Variants in PALLD observed in about 807,000 individuals in gnomAD.
PALLD encodes the protein palladin, cytoskeletal associated protein.
A neutral mutation model predicts 123.5 loss-of-function variants in PALLD; 61 were observed. The ratio of observed to expected loss-of-function variants is 0.49; its 90% confidence interval spans 0.40 to 0.61. The LOEUF (loss-of-function observed/expected upper bound fraction) is 0.61. Among genes scored for constraint, PALLD ranks in the 20% least tolerant of loss-of-function variants. The probability of loss-of-function intolerance (pLI) is 0.00; values close to 1 mark genes in which losing one functional copy is unlikely to be tolerated. For synonymous variants in PALLD, 465 were observed against 496.4 expected, an observed-to-expected ratio of 0.94 and a Z score of 0.84; for missense variants, 1,273 against 1,377.0, an observed-to-expected ratio of 0.92 and a Z score of 1.20.
chr4:168,608,557 C>A (rs1237258223), intron 2 of PALLD, among the ~76,000 whole-genome samples: 1 of 152,174 alleles, frequency 6.6e-6, no homozygotes. Context: ...CATCATGTAA[C>A]ATGTATCAAG....
intron 10 of PALLD, among the ~76,000 whole-genome samples, chr4:168,849,754 CA>C (rs36098159): frequency 0.69 from 101,084 of 145,660 alleles, 36,741 homozygotes; most frequent in East Asian, 0.95. Flanking sequence ...ATTTTTAAAG[CA>C]AAAAAAAAAA....
intron 10 of PALLD, among the ~76,000 whole-genome samples, chr4:168,857,334 A>G (rs1199039594): frequency 1.3e-5 from 2 of 152,216 alleles, no homozygotes; most frequent in Non-Finnish European, 2.9e-5. Context: ...TATTTGTTTT[A>G]GGATATGGTA....
chr4:168,738,143 G>A (rs1787944273), intron 10 of PALLD, among the ~76,000 whole-genome samples: 1 of 152,176 alleles, frequency 6.6e-6, no homozygotes, highest in Admixed American at 6.5e-5. Context: ...TGTGAAAAAG[G>A]AGAACTTAAA....
At chr4:168,739,731 A>T (rs1324047784) in intron 10 of PALLD, among the ~76,000 whole-genome samples, 1 of 152,216 alleles carries the variant, frequency 6.6e-6, no homozygotes, top group Non-Finnish European at 1.5e-5. Flanking sequence ...ACAAGAAAAA[A>T]GCCCATGTTG....
chr4:168,898,037 T>C (rs1566495), intron 13 of PALLD: 83,118 of 152,428 alleles, frequency 0.55, 25,270 homozygotes, highest in East Asian at 0.88. Flanking sequence ...TTTCTATTAT[T>C]CTTTTACTAT....
intron 15 of PALLD, among the ~76,000 whole-genome samples, chr4:168,911,152 C>A (rs557459068): frequency 6.6e-6 from 1 of 152,240 alleles, no homozygotes; most frequent in Non-Finnish European, 1.5e-5. Flanking sequence ...CCTATTTGTA[C>A]AGAAAAAGAA....
At chr4:168,731,500 A>C (rs545658290) in intron 10 of PALLD, among the ~76,000 whole-genome samples, 2 of 152,370 alleles carry the variant, frequency 1.3e-5, no homozygotes, top group South Asian at 4.1e-4. Flanking sequence ...GGTCACGTGA[A>C]ATAATGTGCT....
At chr4:168,558,671 ACGTGGGTACC>A (rs774380919) in intron 2 of PALLD, among the ~76,000 whole-genome samples, 35 of 152,196 alleles carry the variant, frequency 2.3e-4, no homozygotes, top group Non-Finnish European at 4.7e-4. Context: ...TCTCAGATAC[ACGTGGGTACC>A]CATTATCCAC....
Position 168,556,976 on chromosome 4 carries a change from A to G in PALLD, c.908+44564A>G, listed in dbSNP as rs144663322. On this transcript the variant is annotated intron_variant, in intron 2 of 21. Transcript: ENST00000505667. Reference sequence around the variant, plus strand: ...AAGCAGAGCAAGTGTTCCTGTAATCAGCCTCCCCCGGGAACTGTCAGTATT... The same window carrying G: ...AAGCAGAGCAAGTGTTCCTGTAATCGGCCTCCCCCGGGAACTGTCAGTATT... Among the ~76,000 whole-genome samples the G allele has an allele frequency of 7.3e-3, 1,119 of 152,258 alleles. 13 individuals carry two copies. The highest frequency in any genetic ancestry group is 0.024 in the African/African-American group (991 of 41,540).
intron 5 of PALLD, among the ~76,000 whole-genome samples, chr4:168,684,222 T>G (rs1781810774): frequency 6.6e-6 from 1 of 152,064 alleles, no homozygotes; most frequent in Non-Finnish European, 1.5e-5. Context: ...GCCTAGGAAA[T>G]AGAGAGATAC....
chr4:168,916,471 ATT>A (rs1760115059), intron 17 of PALLD, among the ~76,000 whole-genome samples: 1 of 113,012 alleles, frequency 8.8e-6, no homozygotes, highest in African/African-American at 2.8e-5. Flanking sequence ...ATATTTATAT[ATT>A]GTTTACTATG....
chr4:168,568,387 T>G (rs1305450558), intron 2 of PALLD, among the ~76,000 whole-genome samples: 1 of 152,126 alleles, frequency 6.6e-6, no homozygotes, highest in East Asian at 1.9e-4. Flanking sequence ...ATTCTTGTTT[T>G]CATGTACCTC....
intron 2 of PALLD, among the ~76,000 whole-genome samples, chr4:168,519,904 CTTT>C (rs33986145): frequency 7.5e-4 from 113 of 150,958 alleles, no homozygotes; most frequent in Middle Eastern, 3.4e-3. Flanking sequence ...CATTTTAAAT[CTTT>C]TTTTTTTTCT....
chr4:168,794,494 GCACACACACACGCA>G (rs1370316957), intron 10 of PALLD, among the ~76,000 whole-genome samples: 418 of 135,826 alleles, frequency 3.1e-3, no homozygotes, highest in Admixed American at 7.3e-3. Flanking sequence ...ACACATGCAC[GCACACACACACGCA>G]CACACACACA....
chr4:168,696,598 G>A (rs555622442), intron 8 of PALLD, among the ~76,000 whole-genome samples: 1 of 151,792 alleles, frequency 6.6e-6, no homozygotes, highest in Non-Finnish European at 1.5e-5. Context: ...TGCAAAGAGA[G>A]GAAAATGTAA....
chr4:168,563,322 G>C (rs1440836789), intron 2 of PALLD, among the ~76,000 whole-genome samples: 4 of 152,170 alleles, frequency 2.6e-5, no homozygotes, highest in Non-Finnish European at 4.4e-5. Flanking sequence ...GCAGTTAAAG[G>C]CATGTCTTTT....
At chr4:168,657,441 A>G (rs1778694069) in intron 2 of PALLD, among the ~76,000 whole-genome samples, 1 of 152,202 alleles carries the variant, frequency 6.6e-6, no homozygotes, top group African/African-American at 2.4e-5. Context: ...CTATAACCCC[A>G]AATGAGAGAC....
At position 168,898,639 on chromosome 4, in the gene PALLD, G is replaced by C; in HGVS notation, c.2397G>C (p.Lys799Asn). The C allele has an allele frequency of 3.7e-6, 6 of 1,614,134 alleles. No homozygotes were observed. Among genetic ancestry groups the C allele is most frequent in the Non-Finnish European group, 5.1e-6 (6 of 1,179,978 alleles). ...ENGMAPFFEM[K>N]LKHYKIFEGM... ...GAATGGCACCATTCTTTGAGATGAA[G>C]CTGAAACATTACAAGATCTTTGAGG... is the stretch of plus-strand genomic sequence containing the variant. The change falls in exon 14 of 22, where the codon AAG (lysine) becomes AAC (asparagine). Residue 799 changes from lysine (K) to asparagine (N), a missense_variant. Around this residue, in one of 2 missense-constraint regions of PALLD, gnomAD observed 329 missense variants for 422.5 expected, o/e 0.78. Coordinates refer to ENST00000505667, the MANE Select transcript of PALLD (RefSeq NM_001166108.2).
intron 2 of PALLD, among the ~76,000 whole-genome samples, chr4:168,600,164 T>A (rs1772490479): frequency 8.1e-6 from 1 of 123,488 alleles, no homozygotes; most frequent in Non-Finnish European, 1.7e-5. Context: ...ATAAACTGTG[T>A]TTGTGTGTGT....
Sources: allele counts gnomAD v4.1 joint callset (sites outside exome capture counted in the v4.1 genomes callset), GRCh38; gene constraint gnomAD v4.1.1; regional missense constraint gnomAD v4.1.1; transcripts MANE v1.5; gene names NCBI Gene and HGNC (gene_info 2026-07-23, HGNC 2026-07-21).